The following PPP1R9A variants were observed in gnomAD, a reference collection of about 807,000 sequenced individuals.
PPP1R9A encodes neurabin-1.
PPP1R9A carries 59 observed loss-of-function variants against 141.9 expected under a neutral mutation model. The observed-to-expected ratio is 0.42, with a 90% confidence interval of 0.34 to 0.52. The LOEUF (loss-of-function observed/expected upper bound fraction) is 0.52. PPP1R9A is among the 20% of genes least tolerant of loss of function. The pLI is 0.10. For synonymous variants in PPP1R9A, 500 were observed against 569.7 expected (o/e 0.88, Z 1.74); for missense variants, 1,444 against 1,611.9 (o/e 0.90, Z 1.78).
intron 2 of PPP1R9A, among the ~76,000 whole-genome samples, chr7:95,100,450 T>A (rs1208658565): frequency 6.6e-6 from 1 of 152,120 alleles, no homozygotes; most frequent in Non-Finnish European, 1.5e-5. Context: ...GAGATATGAA[T>A]TGAGAGGACT....
At chr7:95,217,977 C>A (rs1022730320) in intron 7 of PPP1R9A, among the ~76,000 whole-genome samples, 12 of 152,088 alleles carry the variant, frequency 7.9e-5, no homozygotes, top group Non-Finnish European at 1.3e-4. Context: ...TCCTTCAGTT[C>A]CACTCTGATC....
At chr7:95,231,167 A>G (rs931327059) in intron 8 of PPP1R9A, among the ~76,000 whole-genome samples, 1 of 152,232 alleles carries the variant, frequency 6.6e-6, no homozygotes, top group African/African-American at 2.4e-5. Flanking sequence ...GAGAAATTAT[A>G]TAATGATAAA....
chr7:94,988,981 A>G (rs1317884860), intron 2 of PPP1R9A, among the ~76,000 whole-genome samples: 1 of 152,096 alleles, frequency 6.6e-6, no homozygotes, highest in Non-Finnish European at 1.5e-5. Context: ...ACAGAAAACA[A>G]TCAAAATAGT....
chr7:94,933,838 G>A (rs1052786682), intron 2 of PPP1R9A, among the ~76,000 whole-genome samples: 3 of 152,096 alleles, frequency 2.0e-5, no homozygotes, highest in Admixed American at 6.6e-5. Flanking sequence ...GTTTACTGAT[G>A]TAAGAGTCAG....
intron 2 of PPP1R9A, among the ~76,000 whole-genome samples, chr7:94,922,939 ATAAT>A (rs1232799199): frequency 1.3e-5 from 2 of 152,304 alleles, no homozygotes; most frequent in South Asian, 2.1e-4. Context: ...CCAAATTCTA[ATAAT>A]TAGTCTTTTA....
At chr7:95,057,392 T>C (rs898724288) in intron 2 of PPP1R9A, among the ~76,000 whole-genome samples, 2 of 152,156 alleles carry the variant, frequency 1.3e-5, no homozygotes, top group African/African-American at 2.4e-5. Flanking sequence ...TGCTATATTT[T>C]AGTAGTAACT....
chr7:95,163,088 G>C (rs567110866), intron 5 of PPP1R9A, among the ~76,000 whole-genome samples: 1 of 152,122 alleles, frequency 6.6e-6, no homozygotes, highest in Non-Finnish European at 1.5e-5. Flanking sequence ...TCCCATGTCT[G>C]TATAGAACTT....
At chr7:95,056,547 C>T (rs997352858) in intron 2 of PPP1R9A, among the ~76,000 whole-genome samples, 4 of 152,076 alleles carry the variant, frequency 2.6e-5, no homozygotes, top group African/African-American at 9.7e-5. Flanking sequence ...TATGGTGTCA[C>T]AAAATAACAG....
intron 16 of PPP1R9A, 149 bp from the exon 17 acceptor site, chr7:95,283,869 T>A (rs1804752690): frequency 3.2e-6 from 2 of 616,196 alleles, no homozygotes; most frequent in African/African-American, 1.8e-5. Flanking sequence ...TTAAGATTAG[T>A]GTTGTAGTCA....
At chr7:94,948,791 T>C (rs10265993) in intron 2 of PPP1R9A, among the ~76,000 whole-genome samples, 1 of 151,836 alleles carries the variant, frequency 6.6e-6, no homozygotes, top group African/African-American at 2.4e-5. Context: ...GACTCCATGG[T>C]CTTTCAGAAC....
intron 2 of PPP1R9A, among the ~76,000 whole-genome samples, chr7:94,977,145 A>G (rs1227051458): frequency 2.0e-5 from 3 of 152,176 alleles, no homozygotes; most frequent in East Asian, 1.9e-4. Context: ...TGGTTTTTAC[A>G]TATTAAACTT....
intron 2 of PPP1R9A, among the ~76,000 whole-genome samples, chr7:95,017,555 T>G (rs1805278792): frequency 6.6e-6 from 1 of 151,950 alleles, no homozygotes; most frequent in South Asian, 2.1e-4. Flanking sequence ...ACCCCTACAC[T>G]GAAAAATACA....
chr7:95,196,089 G>GTGTA (rs1554553837), intron 5 of PPP1R9A, among the ~76,000 whole-genome samples: 3 of 151,778 alleles, frequency 2.0e-5, no homozygotes, highest in Non-Finnish European at 4.4e-5. Flanking sequence ...GTGTGTGTGT[G>GTGTA]TGTATGTGTA....
intron 2 of PPP1R9A, among the ~76,000 whole-genome samples, chr7:95,021,849 AC>A (rs1399978738): frequency 6.6e-6 from 1 of 152,156 alleles, no homozygotes; most frequent in Non-Finnish European, 1.5e-5. Flanking sequence ...TTGTACCAGT[AC>A]CATGCTGTTT....
rs139663293 is a variant in PPP1R9A at position 94,980,694 on chromosome 7, G to A, written c.1395+69186G>A. 3.8e-3 allele frequency among the ~76,000 whole-genome samples: 578 copies of A among 151,008 alleles called. 22 individuals carry two copies. The highest frequency in any genetic ancestry group is 0.034 in the East Asian group (173 of 5,126). On this transcript the variant is annotated intron_variant, in intron 2 of 19. Coordinates refer to ENST00000433360, the MANE Select transcript of PPP1R9A (RefSeq NM_001166160.2). The stretch of plus-strand genomic sequence containing the variant: ...CATAACTTGCTTTTTGAAAAATCCT[G>A]GCCTACCTTATCTCTGAGGTGCCGC...
intron 2 of PPP1R9A, among the ~76,000 whole-genome samples, chr7:95,104,442 A>G (rs368635904): frequency 1.1e-4 from 16 of 152,286 alleles, no homozygotes; most frequent in African/African-American, 2.9e-4. Context: ...CAGTTAAGCA[A>G]TGTTTTTACA....
intron 5 of PPP1R9A, among the ~76,000 whole-genome samples, chr7:95,169,043 TA>T (rs1203640533): frequency 6.6e-6 from 1 of 151,970 alleles, no homozygotes; most frequent in Non-Finnish European, 1.5e-5. Context: ...AGTGTTTATT[TA>T]AAGAAAAGAA....
At chr7:95,024,275 G>T (rs1234561127) in intron 2 of PPP1R9A, among the ~76,000 whole-genome samples, 1 of 152,148 alleles carries the variant, frequency 6.6e-6, no homozygotes, top group South Asian at 2.1e-4. Context: ...GGAGATTTCT[G>T]TAGATGTCTG....
chr7:95,076,983 AT>A (rs947920489), intron 2 of PPP1R9A, among the ~76,000 whole-genome samples: 7 of 151,228 alleles, frequency 4.6e-5, no homozygotes, highest in South Asian at 2.1e-4. Context: ...TATACCTTTT[AT>A]TTTTTTTCTT....
Sources: allele counts gnomAD v4.1 joint callset (sites outside exome capture counted in the v4.1 genomes callset), GRCh38; gene constraint gnomAD v4.1.1; transcripts MANE v1.5; gene names NCBI Gene and HGNC (gene_info 2026-07-23, HGNC 2026-07-21).